The following AGBL1 variants were observed in gnomAD, a reference collection of about 807,000 sequenced individuals.
The protein encoded by AGBL1 is cytosolic carboxypeptidase 4.
A neutral mutation model predicts 118.9 loss-of-function variants in AGBL1; 130 were observed. That is an observed-to-expected ratio of 1.09 (90% CI 0.95 to 1.26). The LOEUF (loss-of-function observed/expected upper bound fraction) is 1.26. Ranked by LOEUF, AGBL1 falls within the 50% of genes most tolerant of loss-of-function variation. The probability of loss-of-function intolerance (pLI) is 0.00; values close to 1 mark genes in which losing one functional copy is unlikely to be tolerated. For synonymous variants in AGBL1, 555 were observed against 478.9 expected, an observed-to-expected ratio of 1.16 and a Z score of -2.08; for missense variants, 1,584 against 1,298.1, an observed-to-expected ratio of 1.22 and a Z score of -3.38.
chr15:86,328,139 C>A (rs954406326), intron 17 of AGBL1, among the ~76,000 whole-genome samples: 1 of 152,170 alleles, frequency 6.6e-6, no homozygotes, highest in Non-Finnish European at 1.5e-5. Context: ...ATTTGTTTTT[C>A]TCATTTCCTA....
At chr15:86,408,714 G>C (rs773905588) in intron 18 of AGBL1, among the ~76,000 whole-genome samples, 1 of 152,166 alleles carries the variant, frequency 6.6e-6, no homozygotes, top group South Asian at 2.1e-4. Flanking sequence ...CTGGGTTCTG[G>C]TTCTACCCTG....
At chr15:86,087,168 G>A (rs1315911200) in intron 1 of AGBL1, among the ~76,000 whole-genome samples, 2 of 152,140 alleles carry the variant, frequency 1.3e-5, no homozygotes, top group Non-Finnish European at 2.9e-5. Context: ...GATTTGAGAT[G>A]CCCTGCATTA....
At chr15:86,233,717 C>T (rs2078493112) in intron 6 of AGBL1, among the ~76,000 whole-genome samples, 1 of 152,196 alleles carries the variant, frequency 6.6e-6, no homozygotes. Context: ...GAAGGAAGAA[C>T]TAGTGAAGTT....
chr15:86,484,364 A>T (rs1026320525), intron 18 of AGBL1, among the ~76,000 whole-genome samples: 8 of 152,148 alleles, frequency 5.3e-5, no homozygotes, highest in African/African-American at 1.9e-4. Flanking sequence ...TTTGTGCACC[A>T]GCAGAGAGGA....
intron 22 of AGBL1, among the ~76,000 whole-genome samples, chr15:86,798,597 G>GT (rs960895713): frequency 1.3e-5 from 2 of 151,608 alleles, no homozygotes; most frequent in Admixed American, 6.6e-5. Context: ...TTATTTAGTT[G>GT]TTTTTTAACA....
At chr15:86,724,486 A>G (rs2086789535) in intron 22 of AGBL1, among the ~76,000 whole-genome samples, 1 of 152,116 alleles carries the variant, frequency 6.6e-6, no homozygotes. Context: ...ATGAATAGCA[A>G]TAGTGAAGGT....
At chr15:86,273,236 T>G (rs1388916039) in intron 15 of AGBL1, among the ~76,000 whole-genome samples, 1 of 152,188 alleles carries the variant, frequency 6.6e-6, no homozygotes, top group East Asian at 1.9e-4. Flanking sequence ...AGCCACACTT[T>G]CAAAAGCACA....
chr15:86,541,587 A>G (rs1267948872), intron 19 of AGBL1, among the ~76,000 whole-genome samples: 2 of 98,852 alleles, frequency 2.0e-5, no homozygotes, highest in Non-Finnish European at 4.1e-5. Flanking sequence ...GAGTGAGACT[A>G]TGTCTCAAAA....
chr15:86,311,053 G>C (rs950431499), intron 17 of AGBL1, among the ~76,000 whole-genome samples: 3 of 152,160 alleles, frequency 2.0e-5, no homozygotes, highest in Non-Finnish European at 4.4e-5. Flanking sequence ...GCAGCCCTCA[G>C]AACAGAAGCT....
chr15:86,367,989 G>A (rs2080916578), intron 17 of AGBL1, among the ~76,000 whole-genome samples: 1 of 152,050 alleles, frequency 6.6e-6, no homozygotes, highest in African/African-American at 2.4e-5. Flanking sequence ...TCTAGAGTCA[G>A]GCTCACTATT....
rs371916332 is a variant in AGBL1 at position 86,201,715 on chromosome 15, T to C, written c.489-23199T>C. ...GGAGCAGTGCAGCATTAAAGACTAATGTGCCCAATTCTCAGGACCCCTTGG... is the reference window on the plus strand; with the variant it reads ...GGAGCAGTGCAGCATTAAAGACTAACGTGCCCAATTCTCAGGACCCCTTGG... On this transcript the variant is annotated intron_variant, in intron 5 of 22. Transcript: ENST00000614907. 1.5e-3 allele frequency among the ~76,000 whole-genome samples: 226 copies of C among 152,338 alleles called. 3 individuals carry two copies. The South Asian group carries it at 0.046, about 31-fold the overall frequency.
intron 23 of AGBL1, among the ~76,000 whole-genome samples, chr15:86,936,455 T>C (rs1440521887): frequency 6.6e-6 from 1 of 152,108 alleles, no homozygotes; most frequent in Non-Finnish European, 1.5e-5. Flanking sequence ...GGTGCTATGC[T>C]TTGTAGATAG....
intron 17 of AGBL1, among the ~76,000 whole-genome samples, chr15:86,318,316 C>T (rs1419496694): frequency 1.3e-5 from 2 of 152,062 alleles, no homozygotes; most frequent in South Asian, 2.1e-4. Context: ...TGTGTCTCTC[C>T]CAGGTCTCAT....
chr15:86,783,729 AAG>A (rs1199192210), intron 22 of AGBL1, among the ~76,000 whole-genome samples: 1 of 152,210 alleles, frequency 6.6e-6, no homozygotes, highest in Non-Finnish European at 1.5e-5. Context: ...TCCTGGGTTC[AAG>A]AGATTCTCCT....
intron 19 of AGBL1, among the ~76,000 whole-genome samples, chr15:86,533,421 C>A (rs1211662497): frequency 2.2e-5 from 2 of 92,330 alleles, no homozygotes; most frequent in Non-Finnish European, 4.0e-5. Flanking sequence ...GATACCATCT[C>A]ACACCAGTTA....
intron 5 of AGBL1, among the ~76,000 whole-genome samples, chr15:86,162,442 A>C (rs1162616854): frequency 6.6e-6 from 1 of 152,166 alleles, no homozygotes; most frequent in Non-Finnish European, 1.5e-5. Context: ...TCAGGGCAAG[A>C]TTTACAACAG....
chr15:86,156,884 G>C (rs1382632129), intron 4 of AGBL1, among the ~76,000 whole-genome samples: 1 of 150,584 alleles, frequency 6.6e-6, no homozygotes, highest in Non-Finnish European at 1.5e-5. Context: ...CTGCCTCCTG[G>C]GTTCAAATGA....
intron 4 of AGBL1, among the ~76,000 whole-genome samples, chr15:86,155,373 C>T (rs1229784203): frequency 1.3e-5 from 2 of 152,056 alleles, no homozygotes; most frequent in Non-Finnish European, 2.9e-5. Context: ...TCACTTGAGC[C>T]CAGGAAGTCA....
intron 19 of AGBL1, among the ~76,000 whole-genome samples, chr15:86,525,960 A>C (rs1398236325): frequency 6.6e-6 from 1 of 152,322 alleles, no homozygotes; most frequent in Middle Eastern, 3.4e-3. Flanking sequence ...TTTGCAAACT[A>C]TACATCTGAT....
Sources: gnomAD v4.1 joint callset for allele counts (sites outside exome capture counted in the v4.1 genomes callset) on GRCh38, gnomAD v4.1.1 for gene constraint, MANE v1.5 for transcripts, NCBI Gene and HGNC (gene_info 2026-07-23, HGNC 2026-07-21) for gene names.